CTNND2: variants seen among roughly 807,000 people sequenced by gnomAD.
CTNND2 encodes the protein catenin delta 2.
In CTNND2, 22 loss-of-function variants were observed where a neutral mutation model predicts 144.4. The ratio of observed to expected loss-of-function variants is 0.15; its 90% CI spans 0.11 to 0.22. The LOEUF is 0.22. Among genes scored for constraint, CTNND2 ranks in the 10% least tolerant of loss-of-function variants. The probability of loss-of-function intolerance (pLI) is 1.00; values close to 1 mark genes in which losing one functional copy is unlikely to be tolerated. For missense variants in CTNND2, 1,353 were observed against 1,618.8 expected, an observed-to-expected ratio of 0.84 and a Z score of 2.82; for synonymous variants, 751 against 695.6, an observed-to-expected ratio of 1.08 and a Z score of -1.25.
intron 2 of CTNND2, among the ~76,000 whole-genome samples, chr5:11,623,808 G>GTATATATATA (rs58954001): frequency 9.8e-4 from 40 of 40,698 alleles, no homozygotes; most frequent in Non-Finnish European, 1.2e-3. Flanking sequence ...ATGTGTGTAT[G>GTATATATATA]TATATATATA....
intron 2 of CTNND2, among the ~76,000 whole-genome samples, chr5:11,588,548 C>A (rs1779020651): frequency 6.6e-6 from 1 of 152,126 alleles, no homozygotes; most frequent in Admixed American, 6.5e-5. Flanking sequence ...TTTGGTTTTA[C>A]AATTTCAATG....
intron 3 of CTNND2, among the ~76,000 whole-genome samples, chr5:11,451,942 G>A (rs1765349677): frequency 6.6e-6 from 1 of 152,162 alleles, no homozygotes; most frequent in African/African-American, 2.4e-5. Context: ...TGGCAACCAT[G>A]GAATTCCAAA....
intron 16 of CTNND2, among the ~76,000 whole-genome samples, chr5:11,043,034 T>G: frequency 6.6e-6 from 1 of 152,110 alleles, no homozygotes; most frequent in East Asian, 1.9e-4. Context: ...CACTTCGAGA[T>G]TGGTCTTTAA....
chr5:11,001,527 C>T (rs1579999977), intron 18 of CTNND2, among the ~76,000 whole-genome samples: 3 of 148,556 alleles, frequency 2.0e-5, no homozygotes, highest in Non-Finnish European at 2.9e-5. Flanking sequence ...TTTAAGATGA[C>T]AGTATTAATT....
At chr5:11,419,263 A>G (rs1762177397) in intron 3 of CTNND2, among the ~76,000 whole-genome samples, 1 of 152,082 alleles carries the variant, frequency 6.6e-6, no homozygotes, top group Admixed American at 6.5e-5. Flanking sequence ...AAATGTTAAC[A>G]TTATTTTAAA....
chr5:11,411,220 T>C (rs932732063), intron 5 of CTNND2, among the ~76,000 whole-genome samples: 3 of 152,144 alleles, frequency 2.0e-5, no homozygotes, highest in Non-Finnish European at 2.9e-5. Flanking sequence ...CTACAAAATA[T>C]ATGATGAGTT....
At chr5:11,130,382 G>T (rs142638285) in intron 12 of CTNND2, among the ~76,000 whole-genome samples, 21 of 152,280 alleles carry the variant, frequency 1.4e-4, no homozygotes, top group Admixed American at 2.6e-4. Flanking sequence ...AGTTAGCCAT[G>T]CATCAGGGAA....
chr5:11,543,839 C>T (rs1234584230), intron 3 of CTNND2, among the ~76,000 whole-genome samples: 1 of 152,116 alleles, frequency 6.6e-6, no homozygotes, highest in African/African-American at 2.4e-5. Context: ...TCAAAGTGGT[C>T]CTAAGTCAGC....
chr5:11,240,309 TACACCCAACACACAC>T (rs1345738121), intron 9 of CTNND2, among the ~76,000 whole-genome samples: 5 of 22,602 alleles, frequency 2.2e-4, no homozygotes, highest in East Asian at 1.4e-3. Flanking sequence ...CCAACACACA[TACACCCAACACACAC>T]ACACCCAACA....
intron 2 of CTNND2, among the ~76,000 whole-genome samples, chr5:11,694,095 A>G (rs1403191293): frequency 6.6e-6 from 1 of 152,222 alleles, no homozygotes; most frequent in African/African-American, 2.4e-5. Flanking sequence ...ATAACAAATC[A>G]GCATTACCAT....
At chr5:11,459,817 T>C (rs1766040135) in intron 3 of CTNND2, among the ~76,000 whole-genome samples, 1 of 152,232 alleles carries the variant, frequency 6.6e-6, no homozygotes, top group African/African-American at 2.4e-5. Context: ...TTTATGATTC[T>C]ATAAGTACAT....
At chr5:11,792,970 C>T (rs1791215378) in intron 1 of CTNND2, among the ~76,000 whole-genome samples, 1 of 152,178 alleles carries the variant, frequency 6.6e-6, no homozygotes, top group Admixed American at 6.5e-5. Flanking sequence ...CTCTCTAATA[C>T]ATATCATGAT....
intron 2 of CTNND2, among the ~76,000 whole-genome samples, chr5:11,607,949 C>T (rs969504510): frequency 6.6e-6 from 1 of 152,158 alleles, no homozygotes; most frequent in African/African-American, 2.4e-5. Flanking sequence ...CCATAAAAAA[C>T]CCAGGGGAAA....
intron 9 of CTNND2, among the ~76,000 whole-genome samples, chr5:11,289,846 C>A (rs935058772): frequency 6.6e-6 from 1 of 152,190 alleles, no homozygotes; most frequent in East Asian, 1.9e-4. Flanking sequence ...AAATGCAGAT[C>A]ATTCTTTTTG....
In CTNND2 at chr5:10,988,183, C is replaced by G. The variant is rs778985488; in HGVS notation, c.3271G>C (p.Glu1091Gln). 1.2e-6 allele frequency: 2 copies of G among 1,614,190 alleles called. No homozygotes were observed. The highest frequency in any genetic ancestry group is 3.3e-5 in the Admixed American group (2 of 60,030). Residue 1091 changes from glutamate to glutamine, a missense_variant, in exon 20 of 22, where the codon GAG becomes CAG. Coordinates refer to ENST00000304623, the MANE Select transcript of CTNND2 (RefSeq NM_001332.4). This position sits in a 1 kb window ranked among gnomAD's most constrained non-coding sequence, Gnocchi z 5.9. Reference protein sequence around the residue: ...ISLKERKTDYECTGSNATYHG... With the variant: ...ISLKERKTDYQCTGSNATYHG... ...TAGGTGGCGTTGCTGCCGGTGCACT[C>G]GTAGTCTGTTTTCCTTTCTTTGAGG...
chr5:11,679,930 T>A (rs969398664), intron 2 of CTNND2, among the ~76,000 whole-genome samples: 1 of 152,196 alleles, frequency 6.6e-6, no homozygotes. Flanking sequence ...GTGATTGTGA[T>A]GAATGTTCTA....
intron 3 of CTNND2, among the ~76,000 whole-genome samples, chr5:11,470,982 T>TATA (rs56744030): frequency 2.8e-3 from 106 of 37,868 alleles, no homozygotes; most frequent in Admixed American, 5.8e-3. Flanking sequence ...ATATATATAT[T>TATA]TTTTTTTTTT....
At chr5:11,589,727 C>A (rs765471692) in intron 2 of CTNND2, among the ~76,000 whole-genome samples, 1 of 152,138 alleles carries the variant, frequency 6.6e-6, no homozygotes, top group Non-Finnish European at 1.5e-5. Flanking sequence ...AACATAAATT[C>A]GGCAAAGTAT....
chr5:11,380,401 T>C (rs1006479474), intron 7 of CTNND2, among the ~76,000 whole-genome samples: 3 of 152,172 alleles, frequency 2.0e-5, no homozygotes, highest in Admixed American at 1.3e-4. Context: ...GTACTTTACA[T>C]ATGCTACCTT....
Sources: allele counts gnomAD v4.1 joint callset (sites outside exome capture counted in the v4.1 genomes callset), GRCh38; gene constraint gnomAD v4.1.1; non-coding constraint Gnocchi (gnomAD v3.1); transcripts MANE v1.5; gene names NCBI Gene and HGNC (gene_info 2026-07-23, HGNC 2026-07-21).